CSMD1: variants seen among roughly 807,000 people sequenced by gnomAD.
CSMD1 encodes CUB and sushi domain-containing protein 1.
A neutral mutation model predicts 417.5 loss-of-function variants in CSMD1; 213 were observed. The ratio of observed to expected loss-of-function variants is 0.51; its 90% CI spans 0.46 to 0.57. The LOEUF is 0.57. CSMD1 is among the 20% of genes least tolerant of loss of function. The probability of loss-of-function intolerance (pLI) is 0.00; values close to 1 mark genes in which losing one functional copy is unlikely to be tolerated. For missense variants in CSMD1, 6,923 were observed against 4,529.7 expected (o/e 1.53, Z -15.17); for synonymous variants, 2,862 against 1,736.8 (o/e 1.65, Z -16.11).
intron 12 of CSMD1, among the ~76,000 whole-genome samples, chr8:3,451,655 G>A (rs990380984): frequency 6.6e-6 from 1 of 152,116 alleles, no homozygotes; most frequent in African/African-American, 2.4e-5. Context: ...TGAGGGCTCT[G>A]TTCTGTTCCA....
intron 3 of CSMD1, among the ~76,000 whole-genome samples, chr8:4,326,161 G>T (rs1468436205): frequency 1.3e-5 from 2 of 152,152 alleles, no homozygotes; most frequent in African/African-American, 2.4e-5. Context: ...TTGTGCCAGA[G>T]AATTTGGCTT....
At chr8:4,043,189 T>C (rs888807696) in intron 3 of CSMD1, among the ~76,000 whole-genome samples, 2 of 152,130 alleles carry the variant, frequency 1.3e-5, no homozygotes, top group South Asian at 2.1e-4. Flanking sequence ...TAGATTATGG[T>C]AGACTGCTAT....
At chr8:3,962,457 G>T (rs1015930972) in intron 5 of CSMD1, among the ~76,000 whole-genome samples, 1 of 152,142 alleles carries the variant, frequency 6.6e-6, no homozygotes, top group Non-Finnish European at 1.5e-5. Context: ...GAGGGAGCAT[G>T]GATCTCCTTG....
intron 1 of CSMD1, among the ~76,000 whole-genome samples, chr8:4,938,006 A>T (rs933675745): frequency 1.2e-4 from 19 of 152,072 alleles, no homozygotes; most frequent in Non-Finnish European, 2.8e-4. Flanking sequence ...ATCCTCCCTC[A>T]TGCAATCTTT....
chr8:4,185,403 C>G (rs924598685), intron 3 of CSMD1, among the ~76,000 whole-genome samples: 5 of 152,002 alleles, frequency 3.3e-5, no homozygotes, highest in African/African-American at 1.2e-4. Context: ...AATAGTACCC[C>G]TAAGCAATAA....
At chr8:3,226,386 C>T (rs1798505298) in intron 27 of CSMD1, among the ~76,000 whole-genome samples, 2 of 151,964 alleles carry the variant, frequency 1.3e-5, no homozygotes, top group South Asian at 4.1e-4. Flanking sequence ...AGTTCGAGAC[C>T]AGTCTGGCTA....
chr8:3,361,358 G>A (rs1445634926), intron 20 of CSMD1, among the ~76,000 whole-genome samples: 2 of 152,086 alleles, frequency 1.3e-5, no homozygotes, highest in African/African-American at 4.8e-5. Flanking sequence ...TCCAGGCACT[G>A]TGGCTCATAC....
intron 3 of CSMD1, among the ~76,000 whole-genome samples, chr8:4,375,733 C>G (rs1230788145): frequency 6.6e-6 from 1 of 152,132 alleles, no homozygotes; most frequent in African/African-American, 2.4e-5. Flanking sequence ...CCTCACTTCC[C>G]GACTGCCTGC....
intron 26 of CSMD1, among the ~76,000 whole-genome samples, chr8:3,273,766 A>G (rs1802057045): frequency 6.8e-6 from 1 of 147,344 alleles, no homozygotes; most frequent in Non-Finnish European, 1.5e-5. Context: ...TTTCTGTGGG[A>G]TTGGTGGTGA....
At chr8:3,262,220 T>TATATATATATAC (rs1178194146) in intron 26 of CSMD1, among the ~76,000 whole-genome samples, 1 of 111,832 alleles carries the variant, frequency 8.9e-6, no homozygotes, top group East Asian at 2.4e-4. Context: ...TATATATATA[T>TATATATATATAC]ATATATATAT....
intron 1 of CSMD1, among the ~76,000 whole-genome samples, chr8:4,890,805 G>C (rs962184416): frequency 7.2e-5 from 11 of 152,136 alleles, no homozygotes; most frequent in African/African-American, 2.4e-4. Flanking sequence ...TTCCGGTTAA[G>C]GACGCTTTTG....
At chr8:2,955,900 A>ATTGAC in intron 63 of CSMD1, 132 bp from the exon 64 acceptor site, 1 of 564,488 alleles carries the variant, frequency 1.8e-6, no homozygotes, top group Non-Finnish European at 2.9e-6. Context: ...ATATATACAC[A>ATTGAC]TATATATGTA....
chr8:3,474,268 A>G (rs1817282050), intron 11 of CSMD1, among the ~76,000 whole-genome samples: 2 of 152,152 alleles, frequency 1.3e-5, no homozygotes, highest in South Asian at 4.1e-4. Context: ...TCAAATAAAA[A>G]TGTTTCAAGT....
chr8:4,971,072 T>C (rs1169583338), intron 1 of CSMD1, among the ~76,000 whole-genome samples: 1 of 152,086 alleles, frequency 6.6e-6, no homozygotes. Flanking sequence ...TAACTATGTC[T>C]GTGACTTTTT....
intron 1 of CSMD1, among the ~76,000 whole-genome samples, chr8:4,767,164 T>C (rs1812522994): frequency 1.3e-5 from 2 of 152,314 alleles, no homozygotes; most frequent in South Asian, 2.1e-4. Flanking sequence ...GGACATACCA[T>C]GTTAATGAAC....
intron 1 of CSMD1, among the ~76,000 whole-genome samples, chr8:4,796,736 ATT>A (rs1192506024): frequency 6.6e-6 from 1 of 152,054 alleles, no homozygotes; most frequent in African/African-American, 2.4e-5. Context: ...AATCCCTCCC[ATT>A]TTTTATTTCA....
chr8:3,438,342 C>T (rs371136312), intron 12 of CSMD1, among the ~76,000 whole-genome samples: 5 of 152,140 alleles, frequency 3.3e-5, no homozygotes, highest in South Asian at 2.1e-4. Flanking sequence ...AGTATACTGA[C>T]GTTGAAACAG....
At chr8:3,564,711 G>A (rs1034806904) in intron 10 of CSMD1, among the ~76,000 whole-genome samples, 1 of 151,580 alleles carries the variant, frequency 6.6e-6, no homozygotes, top group African/African-American at 2.4e-5. Context: ...GAATGTACGT[G>A]CCCTTGTGGC....
intron 5 of CSMD1, among the ~76,000 whole-genome samples, chr8:3,891,312 A>T (rs1161537608): frequency 1.3e-5 from 2 of 152,108 alleles, no homozygotes; most frequent in Non-Finnish European, 2.9e-5. Context: ...AACCTCCCAA[A>T]GTGCTGGGAT....
Sources: gnomAD v4.1 joint callset for allele counts (sites outside exome capture counted in the v4.1 genomes callset) on GRCh38, gnomAD v4.1.1 for gene constraint, MANE v1.5 for transcripts, NCBI Gene and HGNC (gene_info 2026-07-23, HGNC 2026-07-21) for gene names.